AK9: variants seen among roughly 807,000 people sequenced by gnomAD.
AK9 encodes the protein adenylate kinase domain containing 1.
AK9 carries 191 observed loss-of-function variants against 239.6 expected under a neutral mutation model. The ratio of observed to expected loss-of-function variants is 0.80; its 90% CI spans 0.71 to 0.90. AK9 has a LOEUF of 0.90. AK9 is among the 40% of genes least tolerant of loss of function. AK9 has a pLI of 0.00. For missense variants in AK9, 1,995 were observed against 2,214.7 expected, an observed-to-expected ratio of 0.90 and a Z score of 1.99; for synonymous variants, 689 against 721.0, an observed-to-expected ratio of 0.96 and a Z score of 0.71.
intron 13 of AK9, among the ~76,000 whole-genome samples, chr6:109,615,471 A>G (rs1165317292): frequency 6.6e-6 from 1 of 152,032 alleles, no homozygotes; most frequent in Non-Finnish European, 1.5e-5. Flanking sequence ...CTGAGCCAAT[A>G]TTTCTCCAGC....
intron 38 of AK9, 103 bp downstream of exon 38, chr6:109,497,362 A>ACTCTCTCTCTCTCT (rs761117338): frequency 3.0e-5 from 15 of 500,574 alleles, no homozygotes; most frequent in South Asian, 5.8e-5. Context: ...ACACACACAC[A>ACTCTCTCTCTCTCT]CTCTCTCTCT....
At chr6:109,500,126 A>G (rs1342407920) in intron 35 of AK9, among the ~76,000 whole-genome samples, 2 of 151,950 alleles carry the variant, frequency 1.3e-5, no homozygotes, top group East Asian at 3.9e-4. Context: ...TTTAAAAAAA[A>G]CCTATGGGCT....
At chr6:109,624,877 T>C (rs1027446945) in intron 12 of AK9, among the ~76,000 whole-genome samples, 46 of 152,268 alleles carry the variant, frequency 3.0e-4, no homozygotes, top group African/African-American at 1.0e-3. Flanking sequence ...TCTTTTCTAT[T>C]CTTTTTTCCA....
chr6:109,587,308 T>C (rs1387818055), intron 17 of AK9, among the ~76,000 whole-genome samples: 2 of 152,236 alleles, frequency 1.3e-5, no homozygotes, highest in Admixed American at 1.3e-4. Context: ...TCAATTGTTG[T>C]TTGAAACAAA....
chr6:109,564,368 T>C, intron 22 of AK9, 88 bp from the exon 23 acceptor site: 1 of 1,006,534 alleles, frequency 9.9e-7, no homozygotes, highest in Non-Finnish European at 1.4e-6. Context: ...TACTTTGCAA[T>C]TTTTTTAAAC....
intron 25 of AK9, 71 bp from the exon 26 acceptor site, chr6:109,546,198 T>C (rs1228470834): frequency 1.5e-5 from 21 of 1,397,564 alleles, no homozygotes; most frequent in Non-Finnish European, 1.7e-5. Context: ...TTGAGTAATT[T>C]AGAACACATA....
At chr6:109,652,640 T>G (rs1324952907) in intron 8 of AK9, among the ~76,000 whole-genome samples, 1 of 152,224 alleles carries the variant, frequency 6.6e-6, no homozygotes, top group Admixed American at 6.5e-5. Context: ...TTAGTTATTT[T>G]CAAGCATTTC....
chr6:109,535,819 C>T (rs1400369947), intron 27 of AK9, among the ~76,000 whole-genome samples: 9 of 152,210 alleles, frequency 5.9e-5, no homozygotes, highest in Non-Finnish European at 2.9e-5. Flanking sequence ...CAGCTTTCTA[C>T]ATATGGCTAG....
At chr6:109,685,677 T>C (rs551228673) in intron 1 of AK9, among the ~76,000 whole-genome samples, 6 of 152,178 alleles carry the variant, frequency 3.9e-5, no homozygotes, top group South Asian at 2.1e-4. Flanking sequence ...TGTATACCTA[T>C]GTAACAAAAC....
At chr6:109,528,755 G>A (rs1174813519) in intron 29 of AK9, 1 of 574,674 alleles carries the variant, frequency 1.7e-6, no homozygotes, top group South Asian at 1.5e-5. Context: ...TGTTTGGCTG[G>A]ACATTTTTAT....
chr6:109,525,592 A>G (rs1244696337), intron 29 of AK9, among the ~76,000 whole-genome samples: 3 of 152,236 alleles, frequency 2.0e-5, no homozygotes, highest in Non-Finnish European at 4.4e-5. Flanking sequence ...AGAAATGCAA[A>G]TCGAAAACAC....
intron 29 of AK9, among the ~76,000 whole-genome samples, chr6:109,526,572 T>C (rs1340943742): frequency 6.6e-6 from 1 of 152,038 alleles, no homozygotes; most frequent in Non-Finnish European, 1.5e-5. Context: ...AGGAGAGCGA[T>C]GGATTTTTTT....
At chr6:109,617,530 T>C (rs557129348) in intron 13 of AK9, among the ~76,000 whole-genome samples, 58 of 152,248 alleles carry the variant, frequency 3.8e-4, no homozygotes, top group African/African-American at 1.3e-3. Flanking sequence ...TAGGATAAAG[T>C]TGGCATTTCA....
intron 12 of AK9, chr6:109,632,209 G>C: frequency 1.0e-6 from 1 of 985,398 alleles, no homozygotes; most frequent in Middle Eastern, 5.2e-4. Context: ...ATGATACTCC[G>C]GCGCTTAAAA....
intron 1 of AK9, among the ~76,000 whole-genome samples, chr6:109,683,221 A>C (rs1423362848): frequency 6.6e-6 from 1 of 152,242 alleles, no homozygotes; most frequent in East Asian, 1.9e-4. Flanking sequence ...AAAACTCTCA[A>C]TAAACTAGGT....
chr6:109,546,776 C>T (rs1783621603), intron 25 of AK9, among the ~76,000 whole-genome samples: 1 of 152,186 alleles, frequency 6.6e-6, no homozygotes. Context: ...TATATAGCTG[C>T]AGCCTCACAC....
At chr6:109,687,532 C>T (rs1002918792) in intron 1 of AK9, among the ~76,000 whole-genome samples, 3 of 152,278 alleles carry the variant, frequency 2.0e-5, no homozygotes, top group Admixed American at 1.3e-4. Context: ...GAGAGGACCA[C>T]GTGATGAGGA....
chr6:109,618,965 TG>T, intron 13 of AK9, 126 bp downstream of exon 13: 1 of 1,045,090 alleles, frequency 9.6e-7, no homozygotes, highest in South Asian at 1.9e-5. Context: ...TTCAACCATT[TG>T]TTAAGAGTCT....
intron 1 of AK9, among the ~76,000 whole-genome samples, 172 bp downstream of exon 1, chr6:109,690,975 G>T (rs1336657744): frequency 6.6e-6 from 1 of 152,178 alleles, no homozygotes; most frequent in Non-Finnish European, 1.5e-5. Context: ...AGGAAAATGG[G>T]CCGCAGCAGG....
Sources: allele counts gnomAD v4.1 joint callset (sites outside exome capture counted in the v4.1 genomes callset), GRCh38; gene constraint gnomAD v4.1.1; transcripts MANE v1.5; gene names NCBI Gene and HGNC (gene_info 2026-07-23, HGNC 2026-07-21).